The following MPDZ variants were observed in gnomAD, a reference collection of about 807,000 sequenced individuals.
MPDZ encodes the protein multiple PDZ domain protein.
Under a neutral mutation model 239.1 loss-of-function variants are expected in MPDZ, and 234 were observed. The ratio of observed to expected loss-of-function variants is 0.98; its 90% confidence interval spans 0.88 to 1.09. The LOEUF is 1.09. Among genes scored for constraint, MPDZ ranks in the 50% least tolerant of loss-of-function variants. The pLI is 0.00. For missense variants in MPDZ, 3,175 were observed against 2,510.0 expected (o/e 1.26, Z -5.66); for synonymous variants, 1,048 against 881.3 (o/e 1.19, Z -3.35).
At chr9:13,156,226 T>G (rs954481306) in intron 24 of MPDZ, among the ~76,000 whole-genome samples, 2 of 152,156 alleles carry the variant, frequency 1.3e-5, no homozygotes, top group African/African-American at 2.4e-5. Flanking sequence ...AGCAGAGACC[T>G]AGCAGAGATT....
rs760097798 is a variant in MPDZ at position 13,216,806 on chromosome 9, C to G, written c.1258G>C (p.Gly420Arg). ...ITKSSAVEHD[G>R]RIQIGDQIIA... The stretch of plus-strand genomic sequence containing the variant: ...ATTTGGTCTCCAATTTGGATTCTTC[C>G]ATCATGCTCAACGGCACTGCTTTTT... The change falls in exon 10 of 47, where the codon GGA becomes CGA. Residue 420 changes from glycine (G) to arginine (R), a missense_variant. Gly to Arg is a moderately radical substitution (Grantham distance 125). Transcript: ENST00000319217. 2 of 1,609,854 alleles carry G rather than the reference C, an allele frequency of 1.2e-6. No homozygotes were observed. Among genetic ancestry groups the G allele is most frequent in the Non-Finnish European group, 1.7e-6 (2 of 1,177,870 alleles).
chr9:13,197,240 A>C (rs1955765512), intron 12 of MPDZ, among the ~76,000 whole-genome samples: 1 of 151,912 alleles, frequency 6.6e-6, no homozygotes, highest in Non-Finnish European at 1.5e-5. Context: ...TTCAGTCCAG[A>C]GGTTAACAGA....
intron 36 of MPDZ, among the ~76,000 whole-genome samples, chr9:13,122,648 G>C (rs778172923): frequency 1.6e-4 from 24 of 151,766 alleles, no homozygotes; most frequent in Non-Finnish European, 2.8e-4. Context: ...AACCTCCCAA[G>C]TAGCTGGGAT....
At chr9:13,120,903 C>T (rs1197267508) in intron 38 of MPDZ, among the ~76,000 whole-genome samples, 1 of 152,142 alleles carries the variant, frequency 6.6e-6, no homozygotes, top group Non-Finnish European at 1.5e-5. Flanking sequence ...TGCAGGGGCA[C>T]TTTTTACTGA....
chr9:13,247,853 C>A (rs1353107849), intron 2 of MPDZ, 52 bp from the exon 3 acceptor site: 30 of 1,512,098 alleles, frequency 2.0e-5, no homozygotes, highest in Non-Finnish European at 2.6e-5. Flanking sequence ...GACACATGTC[C>A]AGCCTAAGAG....
intron 42 of MPDZ, 23 bp downstream of exon 42, chr9:13,112,988 A>C (rs374639569): frequency 6.4e-7 from 1 of 1,571,350 alleles, no homozygotes; most frequent in Non-Finnish European, 8.7e-7. Context: ...CAGGGTTTAT[A>C]TTGTTTTCTC....
chr9:13,114,837 T>C (rs1254624164), intron 40 of MPDZ, among the ~76,000 whole-genome samples: 1 of 152,004 alleles, frequency 6.6e-6, no homozygotes, highest in African/African-American at 2.4e-5. Flanking sequence ...GAGGCGAAGG[T>C]TGCAGTGAGC....
intron 35 of MPDZ, among the ~76,000 whole-genome samples, chr9:13,123,566 T>C (rs984698355): frequency 1.3e-5 from 2 of 152,144 alleles, no homozygotes; most frequent in African/African-American, 4.8e-5. Flanking sequence ...TGTTTTAAAT[T>C]GGTAGAGATA....
chr9:13,228,777 CTATA>C (rs1263880313), intron 3 of MPDZ, among the ~76,000 whole-genome samples: 2 of 152,008 alleles, frequency 1.3e-5, no homozygotes, highest in East Asian at 1.9e-4. Flanking sequence ...ATCAATTCAC[CTATA>C]TAGTTTATCA....
rs766751703 is a variant in MPDZ, at chr9:13,223,718, G to C, written c.394-8C>G. 5 of 1,583,722 alleles carry C rather than the reference G, an allele frequency of 3.2e-6. No individual in the cohort carries two copies. The Admixed American group carries it at 9.2e-5, about 29-fold the overall frequency. The stretch of plus-strand genomic sequence containing the variant: ...AACTTCTACATGGCGACCCTGTTTA[G>C]GAAACAAAGCAAGAAATAAAACTAA... On this transcript the variant is annotated splice_polypyrimidine_tract_variant and splice_region_variant and intron_variant, in intron 4 of 46. Coordinates refer to ENST00000319217, the MANE Select transcript of MPDZ (RefSeq NM_001378778.1).
At chr9:13,123,120 G>T in intron 36 of MPDZ, 33 bp downstream of exon 36, 1 of 1,582,700 alleles carries the variant, frequency 6.3e-7, no homozygotes, top group Non-Finnish European at 8.6e-7. Context: ...CTGAAGGACG[G>T]CCTGTACAGA....
Position 13,143,456 on chromosome 9 carries a change from A to AT in MPDZ, c.3840+9dup, listed in dbSNP as rs763877526. 14 of 1,601,430 alleles carry AT rather than the reference A, an allele frequency of 8.7e-6. No individual in the cohort carries two copies. The highest frequency in any genetic ancestry group is 7.7e-6 in the Non-Finnish European group (9 of 1,168,776). On this transcript the variant is annotated intron_variant, in intron 27 of 46. Transcript: ENST00000319217. ...GGCAACCAACAGCAAGACAATGGGC[A>AT]TTATCCAACCTTGTCGGCGTTGATT...
chr9:13,144,060 A>C (rs1178182536), intron 26 of MPDZ, among the ~76,000 whole-genome samples: 2 of 152,040 alleles, frequency 1.3e-5, no homozygotes, highest in African/African-American at 4.8e-5. Flanking sequence ...CTAGTAAGGA[A>C]ACTTTCCATA....
chr9:13,187,265 G>A (rs1447060191), intron 17 of MPDZ, among the ~76,000 whole-genome samples: 7 of 151,812 alleles, frequency 4.6e-5, no homozygotes, highest in South Asian at 4.2e-4. Flanking sequence ...ATCAAATACC[G>A]TCATAAAAGA....
intron 19 of MPDZ, among the ~76,000 whole-genome samples, chr9:13,180,140 C>A (rs964987043): frequency 6.6e-6 from 1 of 151,648 alleles, no homozygotes; most frequent in East Asian, 1.9e-4. Flanking sequence ...TTATTCTAAC[C>A]CCATCTGCAA....
intron 18 of MPDZ, 138 bp downstream of exon 18, chr9:13,186,132 A>G (rs970191258): frequency 3.0e-5 from 13 of 435,228 alleles, no homozygotes; most frequent in Non-Finnish European, 4.7e-5. Context: ...TGTGAGAACT[A>G]AGTTGGAGAA....
In MPDZ at chr9:13,165,336, CATA is replaced by C. The variant is rs544890717; in HGVS notation, c.3255-2544_3255-2542del. On this transcript the variant is annotated intron_variant, in intron 22 of 46. Coordinates refer to ENST00000319217, the MANE Select transcript of MPDZ (RefSeq NM_001378778.1). ...TCACAGACAAGTTGTAACACACAGCCATAATGAGCTTTCGAATCACTGATACTC... is the reference window on the plus strand; with the variant it reads ...TCACAGACAAGTTGTAACACACAGCCATGAGCTTTCGAATCACTGATACTC... 819 of 1,546,914 alleles carry C rather than the reference CATA, an allele frequency of 5.3e-4. 7 individuals carry two copies. Among genetic ancestry groups the C allele is most frequent in the Middle Eastern group, 4.9e-3 (29 of 5,970 alleles).
At chr9:13,247,374 T>C (rs946433273) in intron 3 of MPDZ, among the ~76,000 whole-genome samples, 6 of 152,154 alleles carry the variant, frequency 3.9e-5, no homozygotes, top group Non-Finnish European at 8.8e-5. Flanking sequence ...TATCATCCGT[T>C]TTTCCTGTAG....
intron 1 of MPDZ, among the ~76,000 whole-genome samples, chr9:13,269,488 T>G (rs1972497966): frequency 6.6e-6 from 1 of 152,090 alleles, no homozygotes; most frequent in African/African-American, 2.4e-5. Context: ...AGCTCCAAGA[T>G]GAAATAGTGT....
Sources: gnomAD v4.1 joint callset for allele counts (sites outside exome capture counted in the v4.1 genomes callset) on GRCh38, gnomAD v4.1.1 for gene constraint, MANE v1.5 for transcripts, NCBI Gene and HGNC (gene_info 2026-07-23, HGNC 2026-07-21) for gene names.